Variants in RNF17 observed in about 807,000 individuals in gnomAD.
RNF17 encodes spermatogenesis associated 23.
In RNF17, 31 loss-of-function variants were observed where a neutral mutation model predicts 200.5. The ratio of observed to expected loss-of-function variants is 0.15; its 90% CI spans 0.12 to 0.21. The LOEUF is 0.21. Ranked by LOEUF, RNF17 falls within the 10% of genes least tolerant of loss-of-function variation. RNF17 has a pLI of 1.00. For synonymous variants in RNF17, 606 were observed against 637.8 expected (o/e 0.95, Z 0.75); for missense variants, 1,628 against 1,905.1 (o/e 0.85, Z 2.71).
downstream of RNF17, chr13:24,882,980 A>G (rs1953904470): frequency 1.7e-6 from 1 of 592,096 alleles, no homozygotes; most frequent in Non-Finnish European, 3.0e-6. Context: ...ATTGAAAGAC[A>G]GGGTAGTGAA....
At position 24,870,651 on chromosome 13, in the gene RNF17, G is replaced by T; in HGVS notation, c.4359G>T (p.Gly1453=). ...ACACAGATGATAGTGGAGTCAGCGG[G>T]GAATCAGAATCCGAGAGCCTTGATG... is the stretch of plus-strand genomic sequence containing the variant. ...HSDTDDSGVS[G]ESESESLDEA... Residue 1453 remains glycine, a synonymous_variant, in exon 32 of 36, where the codon GGG becomes GGT. Coordinates refer to ENST00000255324, the MANE Select transcript of RNF17 (RefSeq NM_031277.3). 6.2e-7 allele frequency: 1 copy of T among 1,614,122 alleles called. No homozygotes were observed. Among genetic ancestry groups the T allele is most frequent in the Non-Finnish European group, 8.5e-7 (1 of 1,179,980 alleles).
chr13:24,806,742 C>A, intron 15 of RNF17, among the ~76,000 whole-genome samples: 1 of 151,394 alleles, frequency 6.6e-6, no homozygotes, highest in East Asian at 2.0e-4. Context: ...TGGTGCGCTG[C>A]ACCCACTAAC....
chr13:24,824,063 C>G (rs560131493), intron 15 of RNF17: 13 of 637,778 alleles, frequency 2.0e-5, no homozygotes, highest in African/African-American at 1.8e-5. Flanking sequence ...TGCTTAAGAC[C>G]AAGACCATTG....
chr13:24,883,591 A>T (rs1236757408), downstream of RNF17, among the ~76,000 whole-genome samples: 1 of 152,078 alleles, frequency 6.6e-6, no homozygotes, highest in Non-Finnish European at 1.5e-5. Context: ...TTCATCACAA[A>T]ATGCTTAGTA....
chr13:24,880,306 A>C (rs1953775791), downstream of RNF17, among the ~76,000 whole-genome samples: 1 of 152,184 alleles, frequency 6.6e-6, no homozygotes, highest in Non-Finnish European at 1.5e-5. Context: ...CACTAGCATG[A>C]GAACAGCCTG....
Position 24,808,132 on chromosome 13 carries a change from C to CT in RNF17, c.2091+3709dup, listed in dbSNP as rs1842589411. 3.3e-5 allele frequency among the ~76,000 whole-genome samples: 5 copies of CT among 151,212 alleles called. No individual in the cohort carries two copies. In the South Asian group the frequency reaches 1.0e-3, roughly 32 times the overall value. On this transcript the variant is annotated intron_variant, in intron 15 of 35. Transcript: ENST00000255324. Reference sequence around the variant, plus strand: ...TAGGATTGACTTGGCAATGCAGGCTCTTTTTTGGTTCCATATGAACTTTAA... The same window carrying CT: ...TAGGATTGACTTGGCAATGCAGGCTCTTTTTTTGGTTCCATATGAACTTTAA...
chr13:24,789,016 A>C (rs1702582237), intron 7 of RNF17, among the ~76,000 whole-genome samples: 1 of 152,166 alleles, frequency 6.6e-6, no homozygotes, highest in Non-Finnish European at 1.5e-5. Context: ...AAAAATGATA[A>C]AATTTGGTCT....
chr13:24,887,511 C>A, the RNF17 span, among the ~76,000 whole-genome samples: 1 of 152,152 alleles, frequency 6.6e-6, no homozygotes, highest in Non-Finnish European at 1.5e-5. Context: ...GCGAGGGATC[C>A]AGGTTGCACG....
intron 27 of RNF17, 136 bp downstream of exon 27, chr13:24,861,523 T>C (rs1216443005): frequency 7.3e-6 from 4 of 544,762 alleles, no homozygotes; most frequent in Non-Finnish European, 1.2e-5. Flanking sequence ...AATAAGTTAC[T>C]AAGACAGCTA....
In RNF17 at chr13:24,848,932, A is replaced by G. The variant is rs901571223; in HGVS notation, c.3102-1409A>G. On this transcript the variant is annotated intron_variant, in intron 22 of 35. Coordinates refer to ENST00000255324, the MANE Select transcript of RNF17 (RefSeq NM_031277.3). ...ATAAGAACTCTCTCTGGGCTTTACA[A>G]TAAGTAGTATAGCACATTTACGAAA... Among the ~76,000 whole-genome samples the G allele has an allele frequency of 2.6e-5, 4 of 152,340 alleles. 1 individual carries two copies. The highest frequency in any genetic ancestry group is 4.1e-4 in the South Asian group (2 of 4,832).
chr13:24,830,538 C>T lies in RNF17; in HGVS notation c.2300C>T (p.Ala767Val). 1 of 1,611,348 alleles carries T rather than the reference C, an allele frequency of 6.2e-7. No individual in the cohort carries two copies. Among genetic ancestry groups the T allele is most frequent in the Non-Finnish European group, 8.5e-7 (1 of 1,178,844 alleles). The change falls in exon 17 of 36, where the codon GCA (alanine) becomes GTA (valine). Residue 767 changes from alanine (A) to valine (V), a missense_variant. Coordinates refer to ENST00000255324, the MANE Select transcript of RNF17 (RefSeq NM_031277.3). ...AAATATGTGGACTTTGGTAATACTG[C>T]AAAAATAACAATCAAAGACGTGCGT... ...EVKYVDFGNT[A>V]KITIKDVRKI...
At chr13:24,872,186 C>G (rs1894360267) in intron 32 of RNF17, among the ~76,000 whole-genome samples, 1 of 150,242 alleles carries the variant, frequency 6.7e-6, no homozygotes, top group Admixed American at 6.6e-5. Context: ...TCTCGAACTC[C>G]TGACCTCAGA....
chr13:24,822,757 C>T (rs982350160), intron 15 of RNF17, among the ~76,000 whole-genome samples: 6 of 152,082 alleles, frequency 3.9e-5, no homozygotes, highest in African/African-American at 7.2e-5. Flanking sequence ...CAATATGAAA[C>T]GAAACCTAAA....
chr13:24,797,705 A>AGTTTGTGTGTCTGTGCGT (rs59493601), intron 11 of RNF17, among the ~76,000 whole-genome samples: 1 of 119,048 alleles, frequency 8.4e-6, no homozygotes, highest in African/African-American at 3.2e-5. Context: ...AGAGACAAAG[A>AGTTTGTGTGTCTGTGCGT]GTGTGTGTGT....
chr13:24,874,828 G>GTA (rs1894684715), intron 33 of RNF17, among the ~76,000 whole-genome samples: 1 of 152,108 alleles, frequency 6.6e-6, no homozygotes, highest in Non-Finnish European at 1.5e-5. Flanking sequence ...CAGAAACCCT[G>GTA]CACCTGTTAA....
intron 28 of RNF17, among the ~76,000 whole-genome samples, chr13:24,864,622 CTAGT>C (rs1893437999): frequency 6.6e-6 from 1 of 152,108 alleles, no homozygotes; most frequent in South Asian, 2.1e-4. Flanking sequence ...TTATATATAA[CTAGT>C]TATTTTGTGG....
downstream of RNF17, chr13:24,883,340 TTATTAAACTC>T: frequency 6.2e-7 from 1 of 1,613,328 alleles, no homozygotes; most frequent in African/African-American, 1.3e-5. Context: ...TCTTTGGCCA[TTATTAAACTC>T]TATGAGTTTG....
At chr13:24,778,434 G>A (rs1164762200) in intron 4 of RNF17, 28 bp downstream of exon 4, 5 of 1,409,110 alleles carry the variant, frequency 3.5e-6, no homozygotes, top group Middle Eastern at 1.8e-4. Flanking sequence ...CATGAAGTAC[G>A]ATGAAGGCAA....
At chr13:24,884,263 C>T (rs1284985259), downstream of RNF17, 9 of 1,614,056 alleles carry the variant, frequency 5.6e-6, no homozygotes, top group Non-Finnish European at 7.6e-6. Context: ...GACACACAGT[C>T]AGTCTGCCTT....
Sources: gnomAD v4.1 joint callset for allele counts (sites outside exome capture counted in the v4.1 genomes callset) on GRCh38, gnomAD v4.1.1 for gene constraint, MANE v1.5 for transcripts, NCBI Gene and HGNC (gene_info 2026-07-23, HGNC 2026-07-21) for gene names.